Variants in RAPGEF5 observed in about 807,000 individuals in gnomAD.
RAPGEF5 encodes the protein Rap guanine nucleotide exchange factor 5.
In RAPGEF5, 65 loss-of-function variants were observed where a neutral mutation model predicts 125.2. That is an observed-to-expected ratio of 0.52 (90% CI 0.43 to 0.64). The LOEUF (loss-of-function observed/expected upper bound fraction) is 0.64. Among genes scored for constraint, RAPGEF5 ranks in the 30% least tolerant of loss-of-function variants. The probability of loss-of-function intolerance (pLI) is 0.00; values close to 1 mark genes in which losing one functional copy is unlikely to be tolerated. For missense variants in RAPGEF5, 958 were observed against 1,048.1 expected (o/e 0.91, Z 1.19); for synonymous variants, 391 against 385.9 (o/e 1.01, Z -0.16).
chr7:22,339,672 C>T (rs1784090571), intron 1 of RAPGEF5, among the ~76,000 whole-genome samples: 2 of 152,224 alleles, frequency 1.3e-5, no homozygotes, highest in Admixed American at 1.3e-4. Flanking sequence ...CATTAATCCA[C>T]TTTCCTTTGT....
At chr7:22,188,380 G>A (rs1784885854) in intron 11 of RAPGEF5, among the ~76,000 whole-genome samples, 1 of 152,176 alleles carries the variant, frequency 6.6e-6, no homozygotes, top group Admixed American at 6.5e-5. Flanking sequence ...GGATTATCAT[G>A]AGCTTGGTGT....
chr7:22,132,952 C>A (rs1391922150), intron 23 of RAPGEF5, among the ~76,000 whole-genome samples: 1 of 152,194 alleles, frequency 6.6e-6, no homozygotes, highest in Non-Finnish European at 1.5e-5. Flanking sequence ...GAGGCTGGCT[C>A]CCCCTCACCA....
At chr7:22,160,414 T>G in intron 14 of RAPGEF5, 104 bp downstream of exon 14, 1 of 1,098,624 alleles carries the variant, frequency 9.1e-7, no homozygotes, top group Middle Eastern at 3.0e-4. Context: ...TGAATCTGAG[T>G]CAAAATGTTC....
intron 6 of RAPGEF5, 87 bp from the exon 7 acceptor site, chr7:22,267,099 C>T: frequency 7.9e-7 from 1 of 1,271,552 alleles, no homozygotes; most frequent in Non-Finnish European, 1.1e-6. Flanking sequence ...ATATCCAACC[C>T]AAATTCAGAG....
At chr7:22,268,019 A>G (rs913153889) in intron 6 of RAPGEF5, among the ~76,000 whole-genome samples, 1 of 152,166 alleles carries the variant, frequency 6.6e-6, no homozygotes, top group African/African-American at 2.4e-5. Context: ...AATATGCTAG[A>G]CCCTGAGACT....
At chr7:22,234,283 A>G (rs1446544377) in intron 7 of RAPGEF5, among the ~76,000 whole-genome samples, 1 of 152,170 alleles carries the variant, frequency 6.6e-6, no homozygotes, top group East Asian at 1.9e-4. Context: ...ATGTGGTGGG[A>G]AAAGGAGGAA....
intron 18 of RAPGEF5, 124 bp downstream of exon 18, chr7:22,150,283 A>G: frequency 1.1e-6 from 1 of 925,678 alleles, no homozygotes; most frequent in East Asian, 2.5e-5. Context: ...CAAACTTCTA[A>G]GCTGGTCTCA....
intron 7 of RAPGEF5, among the ~76,000 whole-genome samples, chr7:22,239,108 T>C (rs1308045639): frequency 6.6e-6 from 1 of 152,162 alleles, no homozygotes; most frequent in African/African-American, 2.4e-5. Context: ...GGGCTGGGAT[T>C]GCAATGGAAG....
intron 1 of RAPGEF5, among the ~76,000 whole-genome samples, chr7:22,352,308 C>T (rs1330763231): frequency 6.6e-6 from 1 of 151,494 alleles, no homozygotes; most frequent in Non-Finnish European, 1.5e-5. Context: ...ATGAGAAAGA[C>T]TTAAAAAGAT....
intron 5 of RAPGEF5, among the ~76,000 whole-genome samples, 168 bp from the exon 6 acceptor site, chr7:22,291,409 T>A (rs181809228): frequency 6.6e-6 from 1 of 152,314 alleles, no homozygotes; most frequent in Admixed American, 6.5e-5. Flanking sequence ...ATAATCCTCT[T>A]GCAGGCCAAA....
At chr7:22,215,972 C>T (rs1353222644) in intron 9 of RAPGEF5, among the ~76,000 whole-genome samples, 4 of 152,306 alleles carry the variant, frequency 2.6e-5, no homozygotes, top group Non-Finnish European at 5.9e-5. Context: ...GTAAGAAACA[C>T]AACATTCTTA....
At chr7:22,328,145 C>G (rs1214177915) in intron 1 of RAPGEF5, among the ~76,000 whole-genome samples, 1 of 152,200 alleles carries the variant, frequency 6.6e-6, no homozygotes, top group Non-Finnish European at 1.5e-5. Context: ...CAAAGCAAGG[C>G]CAGTGGGACC....
intron 9 of RAPGEF5, among the ~76,000 whole-genome samples, chr7:22,195,534 G>A (rs368719168): frequency 3.9e-5 from 6 of 152,224 alleles, no homozygotes; most frequent in Admixed American, 1.3e-4. Context: ...GGTCAGACGC[G>A]TGCAGTTACT....
At chr7:22,328,825 C>A (rs577842740) in intron 1 of RAPGEF5, among the ~76,000 whole-genome samples, 146 of 152,308 alleles carry the variant, frequency 9.6e-4, no homozygotes, top group South Asian at 1.7e-3. Context: ...CAAGCCCTGG[C>A]CCCAAAAGCA....
At chr7:22,136,167 G>A in intron 22 of RAPGEF5, 42 bp from the exon 23 acceptor site, 2 of 1,426,016 alleles carry the variant, frequency 1.4e-6, no homozygotes, top group Non-Finnish European at 2.0e-6. Context: ...AAAAATCAAT[G>A]TGCTATAGAA....
chr7:22,287,444 G>C (rs1294147488), intron 6 of RAPGEF5, among the ~76,000 whole-genome samples: 2 of 152,066 alleles, frequency 1.3e-5, no homozygotes, highest in Admixed American at 1.3e-4. Context: ...AGGAACTACT[G>C]GGGTTAAAGA....
At chr7:22,263,176 T>G (rs1342549655) in intron 7 of RAPGEF5, among the ~76,000 whole-genome samples, 1 of 152,186 alleles carries the variant, frequency 6.6e-6, no homozygotes, top group Non-Finnish European at 1.5e-5. Context: ...TAGTGGAAAG[T>G]CAGTGTAGCT....
intron 21 of RAPGEF5, among the ~76,000 whole-genome samples, chr7:22,138,947 T>C (rs1272766757): frequency 6.6e-6 from 1 of 152,218 alleles, no homozygotes; most frequent in Non-Finnish European, 1.5e-5. Context: ...GCTTTGTGTG[T>C]GAAGGTCTTG....
At chr7:22,272,351 AAAAAAAAAAAAAGAAGGAAAAAAAAG>A (rs1459624195) in intron 6 of RAPGEF5, among the ~76,000 whole-genome samples, 15,010 of 137,680 alleles carry the variant, frequency 0.11, 772 homozygotes, top group East Asian at 0.17. Flanking sequence ...TCAAAAAAAA[AAAAAAAAAAAAAGAAGGAAAAAAAAG>A]AAAAAAAAAT....
Sources: gnomAD v4.1 joint callset for allele counts (sites outside exome capture counted in the v4.1 genomes callset) on GRCh38, gnomAD v4.1.1 for gene constraint, MANE v1.5 for transcripts, NCBI Gene and HGNC (gene_info 2026-07-23, HGNC 2026-07-21) for gene names.